ARHGAP10: variants seen among roughly 807,000 people sequenced by gnomAD.
ARHGAP10 encodes rho GTPase-activating protein 10.
Under a neutral mutation model 108.6 loss-of-function variants are expected in ARHGAP10, and 87 were observed. The ratio of observed to expected loss-of-function variants is 0.80; its 90% CI spans 0.67 to 0.96. ARHGAP10 has a LOEUF of 0.96. Ranked by LOEUF, ARHGAP10 falls within the 40% of genes least tolerant of loss-of-function variation. The probability of loss-of-function intolerance (pLI) is 0.00; values close to 1 mark genes in which losing one functional copy is unlikely to be tolerated. For missense variants in ARHGAP10, 939 were observed against 954.5 expected (o/e 0.98, Z 0.21); for synonymous variants, 347 against 341.1 (o/e 1.02, Z -0.19).
chr4:147,913,088 AAGATG>A lies in ARHGAP10; in HGVS notation c.1178_1182del (p.Lys393ArgfsTer13). On this transcript the variant is annotated frameshift_variant, in exon 13 of 23. Coordinates refer to ENST00000336498, the MANE Select transcript of ARHGAP10 (RefSeq NM_024605.4). LOFTEE classifies it high-confidence loss of function. ...GTTTCTTGTAGATGCACAGTTGGATAAGATGGGGTTCACAATTATCAGAAAATGCA... is the reference window on the plus strand; with the variant it reads ...GTTTCTTGTAGATGCACAGTTGGATAGGGTTCACAATTATCAGAAAATGCA... 1 of 1,613,772 alleles carries A rather than the reference AAGATG, an allele frequency of 6.2e-7. No homozygotes were observed. The highest frequency in any genetic ancestry group is 8.5e-7 in the Non-Finnish European group (1 of 1,179,678).
At chr4:148,003,990 C>T (rs907332716) in intron 18 of ARHGAP10, among the ~76,000 whole-genome samples, 2 of 114,272 alleles carry the variant, frequency 1.8e-5, no homozygotes, top group Admixed American at 8.0e-5. Context: ...GGAGGAACTA[C>T]GTGGTTTTCT....
Position 147,881,931 on chromosome 4 carries a change from C to G in ARHGAP10, c.1033C>G (p.Arg345Gly). 6.2e-7 allele frequency: 1 copy of G among 1,613,364 alleles called. No individual in the cohort carries two copies. The part of the protein sequence containing the change: ...RFCFDIEAAD[R>G]PGVSLTMQAF... ...TTGTTTTGACATAGAAGCTGCTGAT[C>G]GGTAAGTTATTGGAATTATTGGACA... Residue 345 changes from arginine to glycine, a missense_variant and splice_region_variant, in exon 10 of 23, where the codon CGG becomes GGG. Physicochemically the swap from Arg to Gly is moderately radical, Grantham distance 125 (BLOSUM62 -2). Transcript: ENST00000336498.
In ARHGAP10 at chr4:148,027,578, T is replaced by G. The variant is rs543393020; in HGVS notation, c.1867+4165T>G. Among the ~76,000 whole-genome samples, 3 of 152,340 alleles carry G rather than the reference T, an allele frequency of 2.0e-5. No individual in the cohort carries two copies. The East Asian group carries it at 5.8e-4, about 29-fold the overall frequency. ...AAACAATGACACGTGATCATTTCCTTGTATCCTAAGTAGGAACATATCTTG... is the reference window on the plus strand; with the variant it reads ...AAACAATGACACGTGATCATTTCCTGGTATCCTAAGTAGGAACATATCTTG... On this transcript the variant is annotated intron_variant, in intron 19 of 22. Coordinates refer to ENST00000336498, the MANE Select transcript of ARHGAP10 (RefSeq NM_024605.4).
At chr4:147,954,143 C>T (rs1183340046) in intron 15 of ARHGAP10, among the ~76,000 whole-genome samples, 1 of 151,856 alleles carries the variant, frequency 6.6e-6, no homozygotes, top group Non-Finnish European at 1.5e-5. Flanking sequence ...AATAAATGGC[C>T]TGTATGCACT....
chr4:147,935,450 A>G (rs764064098), intron 13 of ARHGAP10, among the ~76,000 whole-genome samples: 5 of 152,258 alleles, frequency 3.3e-5, no homozygotes, highest in African/African-American at 9.6e-5. Flanking sequence ...AGAGGCAGAC[A>G]TTAGTCTGAA....
Position 147,732,134 on chromosome 4 carries a change from G to T in ARHGAP10, c.-168G>T. On this transcript the variant is annotated 5_prime_UTR_variant, in exon 1 of 23. Transcript: ENST00000336498. ...GTCTCGGTGGCAGCTCCTCCGCGCCGCAGGACTCGGCTCTACGGGACATGT... is the reference window on the plus strand; with the variant it reads ...GTCTCGGTGGCAGCTCCTCCGCGCCTCAGGACTCGGCTCTACGGGACATGT... 1 of 471,276 alleles carries T rather than the reference G, an allele frequency of 2.1e-6. No homozygotes were observed. Among genetic ancestry groups the T allele is most frequent in the Non-Finnish European group, 3.3e-6 (1 of 303,586 alleles). The allele number at this position is 471,276 out of a possible 1,614,324, so 29.2% of individuals were successfully genotyped here.
chr4:147,934,220 CT>C (rs1737833811), intron 13 of ARHGAP10, among the ~76,000 whole-genome samples: 1 of 152,222 alleles, frequency 6.6e-6, no homozygotes, highest in Admixed American at 6.5e-5. Flanking sequence ...CCAAAGAGGG[CT>C]GTAGCTAAGT....
At chr4:147,979,774 G>C (rs1478267099) in intron 18 of ARHGAP10, among the ~76,000 whole-genome samples, 1 of 152,114 alleles carries the variant, frequency 6.6e-6, no homozygotes, top group East Asian at 1.9e-4. Flanking sequence ...ATATGCCTGG[G>C]TTTTTGTGTA....
intron 1 of ARHGAP10, among the ~76,000 whole-genome samples, chr4:147,783,752 G>T (rs1408469742): frequency 6.9e-6 from 1 of 144,224 alleles, no homozygotes; most frequent in African/African-American, 2.5e-5. Flanking sequence ...ATAATTTATA[G>T]AACACATTAA....
At chr4:147,849,603 C>T (rs571234675) in intron 4 of ARHGAP10, among the ~76,000 whole-genome samples, 29 of 152,174 alleles carry the variant, frequency 1.9e-4, no homozygotes, top group African/African-American at 5.8e-4. Flanking sequence ...GATCTTTCCC[C>T]GTCTCCTGTT....
Position 147,777,351 on chromosome 4 carries a change from C to T in ARHGAP10, c.154+44896C>T, listed in dbSNP as rs186179284. On this transcript the variant is annotated intron_variant, in intron 1 of 22. Transcript: ENST00000336498. ...TCGGCTCACTGCAAGCTCCACCTCC[C>T]GGGTTCACGCCATTCTCCTGACTCA... Among the ~76,000 whole-genome samples, 430 of 151,786 alleles carry T rather than the reference C, an allele frequency of 2.8e-3. 3 individuals are homozygous for T. Among genetic ancestry groups the T allele is most frequent in the African/African-American group, 9.8e-3 (405 of 41,400 alleles).
At chr4:147,910,674 G>C (rs1475209768) in intron 12 of ARHGAP10, among the ~76,000 whole-genome samples, 2 of 151,824 alleles carry the variant, frequency 1.3e-5, no homozygotes, top group African/African-American at 4.8e-5. Context: ...CTGTACCCTT[G>C]ATTTTTTTTT....
At chr4:147,741,696 TAC>T (rs372675564) in intron 1 of ARHGAP10, among the ~76,000 whole-genome samples, 31 of 150,134 alleles carry the variant, frequency 2.1e-4, no homozygotes, top group Non-Finnish European at 2.7e-4. Flanking sequence ...TATAAACACA[TAC>T]ACACACACAC....
intron 22 of ARHGAP10, chr4:148,065,157 C>G (rs1379957788): frequency 6.6e-6 from 1 of 152,252 alleles, no homozygotes; most frequent in South Asian, 2.1e-4. Flanking sequence ...TCTTCCCTCC[C>G]CAGTCCTGCT....
rs554719450 is a variant in ARHGAP10, at chr4:147,791,408, G to A, written c.155-31319G>A. Reference sequence around the variant, plus strand: ...ATTACAGGCATGAGCCACTGCGCCCGGCCTCTTCTGTACTTTAGGAGGAAA... The same window carrying A: ...ATTACAGGCATGAGCCACTGCGCCCAGCCTCTTCTGTACTTTAGGAGGAAA... On this transcript the variant is annotated intron_variant, in intron 1 of 22. Transcript: ENST00000336498. Among the ~76,000 whole-genome samples, 14 of 150,212 alleles carry A rather than the reference G, an allele frequency of 9.3e-5. 1 individual carries two copies. The South Asian group carries it at 2.6e-3, about 27-fold the overall frequency.
rs766978867 is a variant in ARHGAP10, at chr4:147,875,037, A to C, written c.719A>C (p.Glu240Ala). ...INIQNTRNRF[E>A]GTRSEVEELM... ...CCATTTCAGACACGGAATCGATTTG[A>C]AGGAACAAGGTCAGAAGTGGAAGAG... The change falls in exon 8 of 23, where the codon GAA becomes GCA. Residue 240 changes from glutamate to alanine, a missense_variant. By Grantham distance (107) the Glu-to-Ala change is moderately radical. Transcript: ENST00000336498. 1 of 1,591,532 alleles carries C rather than the reference A, an allele frequency of 6.3e-7. No homozygotes were observed. The highest frequency in any genetic ancestry group is 1.2e-5 in the South Asian group (1 of 85,814).
chr4:148,030,500 G>C (rs1008248007), intron 19 of ARHGAP10, among the ~76,000 whole-genome samples: 1 of 152,228 alleles, frequency 6.6e-6, no homozygotes, highest in Non-Finnish European at 1.5e-5. Flanking sequence ...TCTTGAGGGA[G>C]AAGGTATTTC....
chr4:147,949,658 A>G (rs922804083), intron 15 of ARHGAP10, among the ~76,000 whole-genome samples: 2 of 152,152 alleles, frequency 1.3e-5, no homozygotes, highest in African/African-American at 4.8e-5. Flanking sequence ...GGATATAAAC[A>G]TATAATGAAT....
intron 1 of ARHGAP10, among the ~76,000 whole-genome samples, chr4:147,739,140 T>G (rs1728548273): frequency 7.0e-6 from 1 of 142,200 alleles, no homozygotes; most frequent in Non-Finnish European, 1.5e-5. Flanking sequence ...TGAGCTGAGA[T>G]CACGCCATTG....
Sources: gnomAD v4.1 joint callset for allele counts (sites outside exome capture counted in the v4.1 genomes callset) on GRCh38, gnomAD v4.1.1 for gene constraint, MANE v1.5 for transcripts, NCBI Gene and HGNC (gene_info 2026-07-23, HGNC 2026-07-21) for gene names.